The following MCOLN1 variants were observed in gnomAD, a reference collection of about 807,000 sequenced individuals.
The protein encoded by MCOLN1 is mucolipin-1.
Under a neutral mutation model 70.3 loss-of-function variants are expected in MCOLN1, and 50 were observed. That is an observed-to-expected ratio of 0.71 (90% CI 0.57 to 0.90). The LOEUF is 0.90. Ranked by LOEUF, MCOLN1 falls within the 40% of genes least tolerant of loss-of-function variation. MCOLN1 has a pLI of 0.00. For missense variants in MCOLN1, 598 were observed against 803.5 expected (o/e 0.74, Z 3.09); for synonymous variants, 366 against 341.0 (o/e 1.07, Z -0.81).
intron 5 of MCOLN1, 22 bp downstream of exon 5, chr19:7,527,650 G>C (rs769565701): frequency 1.3e-6 from 2 of 1,540,022 alleles, no homozygotes; most frequent in Non-Finnish European, 1.8e-6. Context: ...TCACTCGAGG[G>C]GGGCCCAGGG....
chr19:7,526,216 G>T lies in MCOLN1; in HGVS notation c.238-223G>T. On this transcript the variant is annotated intron_variant, in intron 2 of 13. Coordinates refer to ENST00000264079, the MANE Select transcript of MCOLN1 (RefSeq NM_020533.3). This position sits in a 1 kb window ranked among gnomAD's most constrained non-coding sequence, Gnocchi z 4.6. Reference sequence around the variant, plus strand: ...GTGTTGTACGGGGGAGGACACAGTGGTGGGCGTGGCATGGAGCTTATGCCA... The same window carrying T: ...GTGTTGTACGGGGGAGGACACAGTGTTGGGCGTGGCATGGAGCTTATGCCA... 1 of 618,754 alleles carries T rather than the reference G, an allele frequency of 1.6e-6. No homozygotes were observed. 38.3% of individuals were successfully genotyped at this position (618,754 alleles called of 1,614,324 possible).
At chr19:7,523,461 C>G (rs1438070724) in intron 1 of MCOLN1, among the ~76,000 whole-genome samples, 1 of 152,256 alleles carries the variant, frequency 6.6e-6, no homozygotes, top group African/African-American at 2.4e-5. Flanking sequence ...TAAGCGGGCC[C>G]TGCCCTCTGG....
chr19:7,528,507 C>T lies in MCOLN1; in HGVS notation c.878-90C>T. The T allele has an allele frequency of 6.4e-7, 1 of 1,550,860 alleles. No individual in the cohort carries two copies. The highest frequency in any genetic ancestry group is 1.1e-5 in the South Asian group (1 of 87,554). The stretch of plus-strand genomic sequence containing the variant: ...GACCAACCAAAACCAGCCGTGCAGC[C>T]CCCTAGGTCTCCAGCCTGGCCTGGC... On this transcript the variant is annotated intron_variant, in intron 7 of 13. Transcript: ENST00000264079. This position sits in a 1 kb window ranked among gnomAD's most constrained non-coding sequence, Gnocchi z 4.2.
rs1260281114 is a variant in MCOLN1 at position 7,530,469 on chromosome 19, G to A, written c.1543G>A (p.Ala515Thr). 8 of 1,611,792 alleles carry A rather than the reference G, an allele frequency of 5.0e-6. No homozygotes were observed. Among genetic ancestry groups the A allele is most frequent in the Non-Finnish European group, 6.8e-6 (8 of 1,180,008 alleles). ...CTACATGGTGCTCAGCCTCTTCATC[G>A]CGCTCATCACCGGCGCCTACGACAC... is the stretch of plus-strand genomic sequence containing the variant. ...FIYMVLSLFI[A>T]LITGAYDTIK... Residue 515 changes from alanine to threonine, a missense_variant, in exon 12 of 14, where the codon GCG becomes ACG. Transcript: ENST00000264079.
At position 7,526,799 on chromosome 19, in the gene MCOLN1, G is replaced by C; in HGVS notation, c.444G>C (p.Ala148=). 3.1e-6 allele frequency: 5 copies of C among 1,614,182 alleles called. No homozygotes were observed. Among genetic ancestry groups the C allele is most frequent in the Non-Finnish European group, 4.2e-6 (5 of 1,180,050 alleles). ...CTGACGTGTCACTGGGCCGGTATGCGTATGTCCGTGGTGGGGGTGACCCTT... is the reference window on the plus strand; with the variant it reads ...CTGACGTGTCACTGGGCCGGTATGCCTATGTCCGTGGTGGGGGTGACCCTT... ...ALPDVSLGRY[A]YVRGGGDPWT... Residue 148 remains alanine (A), a synonymous_variant, in exon 4 of 14, where the codon GCG becomes GCC. Coordinates refer to ENST00000264079, the MANE Select transcript of MCOLN1 (RefSeq NM_020533.3). The surrounding 1 kb of genome is among the most constrained non-coding windows in gnomAD (Gnocchi z 4.6).
rs771522010 is a variant in MCOLN1, at chr19:7,527,865, C to T, written c.682C>T (p.Leu228=). The T allele has an allele frequency of 1.1e-5, 18 of 1,613,060 alleles. No homozygotes were observed. In the East Asian group the frequency reaches 2.2e-4, roughly 20 times the overall value. The change falls in exon 6 of 14, where the codon CTG becomes TTG. Residue 228 remains leucine (L), a splice_region_variant and synonymous_variant. Transcript: ENST00000264079. ...CCCTCACCCGAGCCTCCTGCCTAGGCTGGTCAATGTCACCATCCACTTCCG... is the reference window on the plus strand; with the variant it reads ...CCCTCACCCGAGCCTCCTGCCTAGGTTGGTCAATGTCACCATCCACTTCCG... The part of the protein sequence containing the change: ...YKNLTLKFHK[L]VNVTIHFRLK...
At chr19:7,527,728 C>T (rs751158190) in intron 5 of MCOLN1, 100 bp downstream of exon 5, 3 of 1,081,242 alleles carry the variant, frequency 2.8e-6, no homozygotes, top group South Asian at 1.2e-5. Context: ...ACAGGGCCCC[C>T]CCGCCCGCGC....
In MCOLN1 at chr19:7,525,554, G is replaced by A. The variant is rs147982456; in HGVS notation, c.237+388G>A. On this transcript the variant is annotated intron_variant, in intron 2 of 13. Coordinates refer to ENST00000264079, the MANE Select transcript of MCOLN1 (RefSeq NM_020533.3). This position sits in a 1 kb window ranked among gnomAD's most constrained non-coding sequence, Gnocchi z 4.2. The stretch of plus-strand genomic sequence containing the variant: ...TAGGAGACTTGCCCAAAGTCACACA[G>A]CAATAGAACATTGGGAGCTGGGATT... The A allele has an allele frequency of 5.4e-4, 152 of 283,244 alleles. No homozygotes were observed. The highest frequency in any genetic ancestry group is 3.2e-3 in the African/African-American group (143 of 44,032). 17.5% of individuals were successfully genotyped at this position (283,244 alleles called of 1,614,324 possible).
intron 12 of MCOLN1, among the ~76,000 whole-genome samples, chr19:7,532,259 C>T (rs899913853): frequency 1.3e-5 from 2 of 152,150 alleles, no homozygotes; most frequent in African/African-American, 4.8e-5. Flanking sequence ...AACAGACATC[C>T]CATGACCAAT....
chr19:7,527,226 C>T (rs1345506890), intron 4 of MCOLN1: 2 of 557,290 alleles, frequency 3.6e-6, no homozygotes, highest in African/African-American at 2.0e-5. Flanking sequence ...AAGCTATGAC[C>T]ACGCTGCTGC....
rs147455130 is a variant in MCOLN1 at position 7,529,118 on chromosome 19, C to T, written c.1152C>T (p.Asp384=). The change falls in exon 10 of 14, where the codon GAC becomes GAT. Residue 384 remains aspartate (D), a synonymous_variant. Coordinates refer to ENST00000264079, the MANE Select transcript of MCOLN1 (RefSeq NM_020533.3). The stretch of plus-strand genomic sequence containing the variant: ...ACCCGCAGAACTTGGCGAGCTACGA[C>T]GTCTGCAGCATCCTCCTGGGCACCT... ...GIEAKNLASY[D]VCSILLGTST... 3.0e-5 allele frequency: 48 copies of T among 1,613,966 alleles called. No individual in the cohort carries two copies. In the African/African-American group the frequency reaches 5.7e-4, roughly 19 times the overall value.
rs78094784 is a variant in MCOLN1, at chr19:7,532,343, G to T, written c.1576-1180G>T. ...CCCCTGCTTTAGATTGGTATGACAG[G>T]AGATCCAGGAGAGCTTCTAGAATGT... On this transcript the variant is annotated intron_variant, in intron 12 of 13. Transcript: ENST00000264079. Among the ~76,000 whole-genome samples the T allele has an allele frequency of 4.1e-3, 627 of 152,270 alleles. 11 individuals carry two copies. The East Asian group carries it at 0.047, about 11-fold the overall frequency.
Position 7,526,515 on chromosome 19 carries a change from T to A in MCOLN1, c.314T>A (p.Phe105Tyr). 6.2e-7 allele frequency: 1 copy of A among 1,614,214 alleles called. No homozygotes were observed. The highest frequency in any genetic ancestry group is 8.5e-7 in the Non-Finnish European group (1 of 1,180,036). The change falls in exon 3 of 14, where the codon TTC (phenylalanine) becomes TAC (tyrosine). Residue 105 changes from phenylalanine (F) to tyrosine (Y), a missense_variant. Transcript: ENST00000264079. This position sits in a 1 kb window ranked among gnomAD's most constrained non-coding sequence, Gnocchi z 4.6. ...AACACCATCGCCTTCCGACACCTCT[T>A]CCTGCTGGGCTACTCGGACGGAGCG... ...EENTIAFRHL[F>Y]LLGYSDGADD...
rs1253984887 is a variant in MCOLN1, at chr19:7,526,592, C to T, written c.391C>T (p.His131Tyr). ...TREQLYQAIF[H>Y]AVDQYLALPD... ...GGAGCAGCTGTACCAGGCCATCTTC[C>T]ATGCTGTGGACCAGGTGCTGGTGGG... The change falls in exon 3 of 14, where the codon CAT becomes TAT. Residue 131 changes from histidine to tyrosine, a missense_variant. Coordinates refer to ENST00000264079, the MANE Select transcript of MCOLN1 (RefSeq NM_020533.3). This position sits in a 1 kb window ranked among gnomAD's most constrained non-coding sequence, Gnocchi z 4.6. 1.9e-6 allele frequency: 3 copies of T among 1,613,212 alleles called. No homozygotes were observed. The highest frequency in any genetic ancestry group is 2.5e-6 in the Non-Finnish European group (3 of 1,180,016).
chr19:7,528,242 A>G lies in MCOLN1; in HGVS notation c.862A>G (p.Ser288Gly), dbSNP rs764072824. The G allele has an allele frequency of 1.4e-5, 23 of 1,613,892 alleles. No individual in the cohort carries two copies. Among genetic ancestry groups the G allele is most frequent in the Non-Finnish European group, 1.9e-5 (22 of 1,179,930 alleles). ...QAHIQECKHP[S>G]VFQHGDNSFR... ...CCACATCCAGGAGTGTAAGCACCCC[A>G]GTGTCTTCCAGCACGGTGAGCCCCT... The change falls in exon 7 of 14, where the codon AGT (serine) becomes GGT (glycine). Residue 288 changes from serine to glycine, a missense_variant. By Grantham distance (56) the Ser-to-Gly change is moderately conservative. This residue lies in a region of MCOLN1 where 461 missense variants were observed against 588.4 expected (regional missense o/e 0.78). Transcript: ENST00000264079. The surrounding 1 kb of genome is among the most constrained non-coding windows in gnomAD (Gnocchi z 4.2).
At position 7,524,440 on chromosome 19, in the gene MCOLN1, C is replaced by G. The variant is rs1179861267; in HGVS notation, c.32-521C>G. The stretch of plus-strand genomic sequence containing the variant: ...GTCATCTTTTGGGTATTTGTCCAGA[C>G]AAACCTAGAATACAGGCTGAGTTCT... On this transcript the variant is annotated intron_variant, in intron 1 of 13. Coordinates refer to ENST00000264079, the MANE Select transcript of MCOLN1 (RefSeq NM_020533.3). The surrounding 1 kb of genome is among the most constrained non-coding windows in gnomAD (Gnocchi z 4.1). 2.0e-5 allele frequency among the ~76,000 whole-genome samples: 3 copies of G among 152,180 alleles called. No homozygotes were observed. Among genetic ancestry groups the G allele is most frequent in the African/African-American group, 4.8e-5 (2 of 41,420 alleles).
chr19:7,530,651 C>T (rs2022642742), intron 12 of MCOLN1, 150 bp downstream of exon 12: 1 of 831,892 alleles, frequency 1.2e-6, no homozygotes, highest in Non-Finnish European at 2.0e-6. Context: ...TGGTTCAGAA[C>T]TGGGGGGCGC....
intron 11 of MCOLN1, 78 bp downstream of exon 11, chr19:7,529,790 G>C: frequency 6.4e-7 from 1 of 1,564,440 alleles, no homozygotes; most frequent in Non-Finnish European, 8.8e-7. Flanking sequence ...ATGACCCCTT[G>C]GTGACTGCTG....
At position 7,528,309 on chromosome 19, in the gene MCOLN1, G is replaced by T; in HGVS notation, c.877+52G>T. On this transcript the variant is annotated intron_variant, in intron 7 of 13. Coordinates refer to ENST00000264079, the MANE Select transcript of MCOLN1 (RefSeq NM_020533.3). The surrounding 1 kb of genome is among the most constrained non-coding windows in gnomAD (Gnocchi z 4.2). ...CTGACCAGGGGCCCTGGCCTGTCCTGGGATTCCCCAAGCCCCAGATCAGCG... is the reference window on the plus strand; with the variant it reads ...CTGACCAGGGGCCCTGGCCTGTCCTTGGATTCCCCAAGCCCCAGATCAGCG... The T allele has an allele frequency of 6.4e-7, 1 of 1,552,230 alleles. No homozygotes were observed. Among genetic ancestry groups the T allele is most frequent in the South Asian group, 1.1e-5 (1 of 89,686 alleles).
Sources: allele counts gnomAD v4.1 joint callset (sites outside exome capture counted in the v4.1 genomes callset), GRCh38; gene constraint gnomAD v4.1.1; regional missense constraint gnomAD v4.1.1; non-coding constraint Gnocchi (gnomAD v3.1); transcripts MANE v1.5; gene names NCBI Gene and HGNC (gene_info 2026-07-23, HGNC 2026-07-21).